Variants in NARS2 observed in about 807,000 individuals in gnomAD.
NARS2 encodes the protein asparaginyl-tRNA synthetase 2, mitochondrial, also known as asparaginyl-tRNA synthetase.
A neutral mutation model predicts 62.9 loss-of-function variants in NARS2; 60 were observed. The ratio of observed to expected loss-of-function variants is 0.95; its 90% CI spans 0.77 to 1.18. NARS2 has a LOEUF of 1.18. NARS2 is among the 50% of genes most tolerant of loss of function. The pLI, the probability that NARS2 is intolerant of heterozygous loss-of-function variation, is 0.00. For synonymous variants in NARS2, 196 were observed against 200.0 expected (o/e 0.98, Z 0.17); for missense variants, 619 against 576.4 (o/e 1.07, Z -0.76).
At chr11:78,465,453 C>A (rs532635873) in intron 11 of NARS2, among the ~76,000 whole-genome samples, 19 of 152,260 alleles carry the variant, frequency 1.2e-4, no homozygotes, top group Admixed American at 1.2e-3. Context: ...GCTACCAGCA[C>A]GCTGTCACCT....
chr11:78,565,791 C>T lies in NARS2; in HGVS notation c.513+341G>A, dbSNP rs188339821. On this transcript the variant is annotated intron_variant, in intron 4 of 13. Transcript: ENST00000281038. ...ACTCATCATTCTCAAGGCTGTAGGTCGGGACCTGAGGAAGGCTTTGCCTCA... is the reference window on the plus strand; with the variant it reads ...ACTCATCATTCTCAAGGCTGTAGGTTGGGACCTGAGGAAGGCTTTGCCTCA... Among the ~76,000 whole-genome samples, 16 of 152,258 alleles carry T rather than the reference C, an allele frequency of 1.1e-4. No homozygotes were observed. In the East Asian group the frequency reaches 2.1e-3, roughly 20 times the overall value.
chr11:78,458,575 T>A (rs1858257778), intron 11 of NARS2, among the ~76,000 whole-genome samples: 1 of 152,168 alleles, frequency 6.6e-6, no homozygotes, highest in African/African-American at 2.4e-5. Context: ...CTCACAAAAT[T>A]AAAGATGCTT....
chr11:78,474,702 A>G (rs1231832008), intron 9 of NARS2, among the ~76,000 whole-genome samples: 1 of 152,204 alleles, frequency 6.6e-6, no homozygotes, highest in Non-Finnish European at 1.5e-5. Flanking sequence ...CTGGGGGTAT[A>G]AGAGTAAGCA....
chr11:78,467,460 C>G (rs1479545078), intron 10 of NARS2, among the ~76,000 whole-genome samples: 1 of 151,948 alleles, frequency 6.6e-6, no homozygotes, highest in East Asian at 1.9e-4. Flanking sequence ...ATGATGAGAG[C>G]CTGGGAGGTG....
chr11:78,495,383 A>G (rs1323688219), intron 6 of NARS2, among the ~76,000 whole-genome samples: 1 of 152,110 alleles, frequency 6.6e-6, no homozygotes, highest in Non-Finnish European at 1.5e-5. Context: ...ACTTGGCTCA[A>G]CTGTCACTTC....
chr11:78,528,804 T>C (rs749347677), intron 6 of NARS2, 38 bp downstream of exon 6: 13 of 1,386,988 alleles, frequency 9.4e-6, no homozygotes, highest in Admixed American at 1.7e-5. Context: ...AACCAAACCA[T>C]AATATATCAA....
At chr11:78,542,273 G>T (rs143930350) in intron 5 of NARS2, among the ~76,000 whole-genome samples, 1 of 152,180 alleles carries the variant, frequency 6.6e-6, no homozygotes, top group Non-Finnish European at 1.5e-5. Flanking sequence ...AAGAAAAGAC[G>T]CGTGGAGTCT....
chr11:78,471,601 G>C (rs1368915557), intron 9 of NARS2, among the ~76,000 whole-genome samples: 3 of 150,798 alleles, frequency 2.0e-5, no homozygotes, highest in Non-Finnish European at 4.4e-5. Context: ...AGTTACATAT[G>C]TATACATGTG....
At chr11:78,551,365 A>G (rs571934615) in intron 5 of NARS2, among the ~76,000 whole-genome samples, 5 of 152,322 alleles carry the variant, frequency 3.3e-5, no homozygotes, top group African/African-American at 1.2e-4. Context: ...ATTGTAACAC[A>G]ATGGTAAGCG....
intron 7 of NARS2, among the ~76,000 whole-genome samples, chr11:78,485,874 T>C (rs1184091695): frequency 6.6e-6 from 1 of 152,072 alleles, no homozygotes; most frequent in African/African-American, 2.4e-5. Flanking sequence ...ATCTCTATTA[T>C]TATTACTACT....
At chr11:78,561,015 C>T (rs933521808) in intron 4 of NARS2, among the ~76,000 whole-genome samples, 6 of 152,106 alleles carry the variant, frequency 3.9e-5, no homozygotes, top group Non-Finnish European at 7.4e-5. Flanking sequence ...GAAAATTTAA[C>T]GGCTAAACAT....
chr11:78,476,609 T>C (rs1393148382), intron 9 of NARS2, among the ~76,000 whole-genome samples: 1 of 152,256 alleles, frequency 6.6e-6, no homozygotes, highest in Non-Finnish European at 1.5e-5. Context: ...AAATGGACTT[T>C]CTGTGGTGAA....
chr11:78,495,018 T>C (rs566873934), intron 6 of NARS2, among the ~76,000 whole-genome samples: 5 of 152,306 alleles, frequency 3.3e-5, no homozygotes, highest in South Asian at 2.1e-4. Flanking sequence ...TCCACAGCTA[T>C]TGTCAGTGTA....
At chr11:78,493,252 T>TG (rs1859907529) in intron 6 of NARS2, 57 bp from the exon 7 acceptor site, 13 of 1,479,136 alleles carry the variant, frequency 8.8e-6, no homozygotes, top group African/African-American at 3.5e-5. Context: ...TTTTAAGTAT[T>TG]TAAATATTCA....
At chr11:78,525,960 G>T (rs186591069) in intron 6 of NARS2, among the ~76,000 whole-genome samples, 1 of 152,026 alleles carries the variant, frequency 6.6e-6, no homozygotes, top group Non-Finnish European at 1.5e-5. Flanking sequence ...ACATTCCACA[G>T]GTCGTAAAAA....
chr11:78,550,400 T>C (rs145816567), intron 5 of NARS2, among the ~76,000 whole-genome samples: 1 of 152,340 alleles, frequency 6.6e-6, no homozygotes, highest in African/African-American at 2.4e-5. Flanking sequence ...ATTTTCTGTC[T>C]ATAAAACCTC....
At chr11:78,491,375 C>T (rs1591199061) in intron 7 of NARS2, among the ~76,000 whole-genome samples, 3 of 102,572 alleles carry the variant, frequency 2.9e-5, no homozygotes, top group African/African-American at 3.5e-5. Context: ...AAGTGAAATG[C>T]TATATTGTGT....
chr11:78,478,817 C>T, intron 7 of NARS2, 134 bp from the exon 8 acceptor site: 2 of 476,556 alleles, frequency 4.2e-6, no homozygotes. Flanking sequence ...TTGAATGTAC[C>T]ATGGAAAATT....
chr11:78,501,489 A>C (rs1478798497), intron 6 of NARS2, among the ~76,000 whole-genome samples: 1 of 152,226 alleles, frequency 6.6e-6, no homozygotes, highest in African/African-American at 2.4e-5. Flanking sequence ...AATGGTTCTT[A>C]ATGAAGAGTA....
Sources: gnomAD v4.1 joint callset for allele counts (sites outside exome capture counted in the v4.1 genomes callset) on GRCh38, gnomAD v4.1.1 for gene constraint, MANE v1.5 for transcripts, NCBI Gene and HGNC (gene_info 2026-07-23, HGNC 2026-07-21) for gene names.